Variants in SUZ12 observed in about 807,000 individuals in gnomAD.
SUZ12 encodes SUZ12 polycomb repressive complex 2 subunit.
SUZ12 carries 17 observed loss-of-function variants against 87.3 expected under a neutral mutation model. The observed-to-expected ratio is 0.19, with a 90% CI of 0.13 to 0.29. SUZ12 has a LOEUF of 0.29. SUZ12 is among the 10% of genes least tolerant of loss of function. The pLI is 1.00. For missense variants in SUZ12, 526 were observed against 912.2 expected, an observed-to-expected ratio of 0.58 and a Z score of 5.45; for synonymous variants, 253 against 312.4, an observed-to-expected ratio of 0.81 and a Z score of 2.01.
At chr17:31,983,137 A>G in intron 9 of SUZ12, 33 bp downstream of exon 9, 1 of 1,583,908 alleles carries the variant, frequency 6.3e-7, no homozygotes. Context: ...AGCACGTTAT[A>G]GTTATGAACT....
Position 31,958,483 on chromosome 17 carries a change from G to A in SUZ12, c.456-7664G>A, listed in dbSNP as rs537592527. ...CCAGCACTTTGGGAGGTCAAGGCAG[G>A]TGGTTCACTTGAGGTGAAGAGTTCA... On this transcript the variant is annotated intron_variant, in intron 4 of 15. Coordinates refer to ENST00000322652, the MANE Select transcript of SUZ12 (RefSeq NM_015355.4). 6.6e-5 allele frequency among the ~76,000 whole-genome samples: 10 copies of A among 152,236 alleles called. No individual in the cohort carries two copies. In the South Asian group the frequency reaches 1.9e-3, roughly 28 times the overall value.
At chr17:31,973,532 T>C (rs1211304593) in intron 6 of SUZ12, among the ~76,000 whole-genome samples, 3 of 152,236 alleles carry the variant, frequency 2.0e-5, no homozygotes, top group African/African-American at 7.2e-5. Flanking sequence ...TCTGTTAGCG[T>C]ATTTCTTAGC....
intron 4 of SUZ12, among the ~76,000 whole-genome samples, chr17:31,957,214 C>G (rs1907397959): frequency 6.6e-6 from 1 of 151,718 alleles, no homozygotes; most frequent in African/African-American, 2.4e-5. Flanking sequence ...TCTTGATTAG[C>G]TGGGACTACC....
intron 4 of SUZ12, among the ~76,000 whole-genome samples, chr17:31,957,487 C>T (rs1345444830): frequency 2.6e-5 from 4 of 152,076 alleles, no homozygotes; most frequent in Admixed American, 6.6e-5. Flanking sequence ...TCTTGGCTCA[C>T]TGCAACTTCC....
chr17:31,994,480 G>T, intron 12 of SUZ12, 84 bp from the exon 13 acceptor site: 1 of 1,291,970 alleles, frequency 7.7e-7, no homozygotes, highest in East Asian at 2.7e-5. Flanking sequence ...TAAATATTAA[G>T]AGCCCACAAA....
intron 3 of SUZ12, among the ~76,000 whole-genome samples, chr17:31,942,758 A>AT (rs1466064262): frequency 3.3e-5 from 5 of 152,192 alleles, no homozygotes; most frequent in Non-Finnish European, 7.3e-5. Flanking sequence ...AAGACAGCTT[A>AT]TTTTTGCTGT....
intron 4 of SUZ12, among the ~76,000 whole-genome samples, chr17:31,963,437 G>A (rs1363081641): frequency 6.6e-5 from 10 of 151,334 alleles, no homozygotes; most frequent in Admixed American, 5.3e-4. Flanking sequence ...AGGATTACAG[G>A]CATGAGCCAC....
At chr17:31,958,289 T>C (rs1209997963) in intron 4 of SUZ12, among the ~76,000 whole-genome samples, 1 of 151,918 alleles carries the variant, frequency 6.6e-6, no homozygotes, top group Non-Finnish European at 1.5e-5. Context: ...GCCCACTTTG[T>C]CCTCCTAAAG....
At chr17:31,959,237 G>A (rs113410535) in intron 4 of SUZ12, among the ~76,000 whole-genome samples, 5,617 of 151,998 alleles carry the variant, frequency 0.037, 144 homozygotes, top group South Asian at 0.062. Context: ...ACTTACTCTT[G>A]AAGGTGCCTC....
chr17:31,974,906 T>TC (rs1908654859), intron 6 of SUZ12, among the ~76,000 whole-genome samples: 2 of 152,296 alleles, frequency 1.3e-5, no homozygotes, highest in Admixed American at 1.3e-4. Flanking sequence ...CAGAATATGA[T>TC]CATTGGTAGA....
chr17:31,949,165 A>C (rs923286608), intron 4 of SUZ12, among the ~76,000 whole-genome samples: 1 of 152,134 alleles, frequency 6.6e-6, no homozygotes, highest in Non-Finnish European at 1.5e-5. Context: ...TTACTATCTC[A>C]TTGTGACATT....
chr17:31,969,574 C>T lies in SUZ12; in HGVS notation c.505+3378C>T, dbSNP rs899861915. Among the ~76,000 whole-genome samples the T allele has an allele frequency of 1.2e-4, 18 of 152,198 alleles. 1 individual carries two copies. Among genetic ancestry groups the T allele is most frequent in the African/African-American group, 3.9e-4 (16 of 41,444 alleles). On this transcript the variant is annotated intron_variant, in intron 5 of 15. Transcript: ENST00000322652. ...CCTCCCAAAGTGCTAGGATTATAGG[C>T]GTGAGCCACCACGCCTATGTTGAAA...
chr17:31,951,626 G>A (rs1906986440), intron 4 of SUZ12, among the ~76,000 whole-genome samples: 2 of 151,926 alleles, frequency 1.3e-5, no homozygotes, highest in African/African-American at 4.8e-5. Flanking sequence ...TCAGGTGCGT[G>A]CCACCACGCC....
intron 3 of SUZ12, among the ~76,000 whole-genome samples, chr17:31,945,061 CAAAAAAAAA>C (rs34314619): frequency 2.5e-5 from 2 of 79,274 alleles, no homozygotes; most frequent in Non-Finnish European, 2.5e-5. Context: ...GATGGTGTCT[CAAAAAAAAA>C]AAAAAAAAAA....
chr17:31,995,515 A>T lies in SUZ12; in HGVS notation c.1596-49A>T. On this transcript the variant is annotated intron_variant, in intron 13 of 15. Coordinates refer to ENST00000322652, the MANE Select transcript of SUZ12 (RefSeq NM_015355.4). ...TCTCAACTCCTAGTCGTGAGGTTAG[A>T]TGGTATACATGTAGAGGCCATAAAT... The T allele has an allele frequency of 2.0e-6, 3 of 1,478,380 alleles. No homozygotes were observed. In the South Asian group the frequency reaches 3.4e-5, roughly 17 times the overall value. 91.6% of individuals were successfully genotyped at this position (1,478,380 alleles called of 1,614,324 possible). A position where few individuals can be genotyped will look rare whatever the true frequency, so the allele number is the denominator to read the frequency against.
chr17:31,982,962 C>G (rs544948656), intron 8 of SUZ12, 37 bp from the exon 9 acceptor site: 7 of 1,532,302 alleles, frequency 4.6e-6, no homozygotes, highest in Non-Finnish European at 5.3e-6. Context: ...ATAGTAATAA[C>G]ACAGGTTACT....
In SUZ12 at chr17:31,994,537, A is replaced by AT. The variant is rs761516532; in HGVS notation, c.1438-16dup. On this transcript the variant is annotated intron_variant, in intron 12 of 15. Coordinates refer to ENST00000322652, the MANE Select transcript of SUZ12 (RefSeq NM_015355.4). ...ATATTTAGGATAGGATACTTAATAT[A>AT]TTTTTTTTTTTACATTTTTGTTGCA... is the stretch of plus-strand genomic sequence containing the variant. The AT allele has an allele frequency of 7.0e-3, 8,441 of 1,212,142 alleles. 2 individuals carry two copies. The highest frequency in any genetic ancestry group is 0.011 in the South Asian group (683 of 64,156). The allele number at this position is 1,212,142 out of a possible 1,614,324, so 75.1% of individuals were successfully genotyped here.
At position 31,973,117 on chromosome 17, in the gene SUZ12, A is replaced by G. The variant is rs565109477; in HGVS notation, c.506-29A>G. 28 of 1,513,286 alleles carry G rather than the reference A, an allele frequency of 1.9e-5. 1 individual carries two copies. Among genetic ancestry groups the G allele is most frequent in the African/African-American group, 1.7e-4 (12 of 68,892 alleles). The allele number at this position is 1,513,286 out of a possible 1,614,324, so 93.7% of individuals were successfully genotyped here. On this transcript the variant is annotated intron_variant, in intron 5 of 15. Coordinates refer to ENST00000322652, the MANE Select transcript of SUZ12 (RefSeq NM_015355.4). Reference sequence around the variant, plus strand: ...TACCTTGTTCATATATTTTTTAAATATATTTTAAAATACTGATTTTCTATT... The same window carrying G: ...TACCTTGTTCATATATTTTTTAAATGTATTTTAAAATACTGATTTTCTATT...
chr17:31,945,269 A>G (rs908437379), intron 3 of SUZ12, among the ~76,000 whole-genome samples: 3 of 152,156 alleles, frequency 2.0e-5, no homozygotes, highest in African/African-American at 4.8e-5. Context: ...GTTTTTTACT[A>G]TTACAACAAC....
Sources: gnomAD v4.1 joint callset for allele counts (sites outside exome capture counted in the v4.1 genomes callset) on GRCh38, gnomAD v4.1.1 for gene constraint, MANE v1.5 for transcripts, NCBI Gene and HGNC (gene_info 2026-07-23, HGNC 2026-07-21) for gene names.